AGTPBP1: variants seen among roughly 807,000 people sequenced by gnomAD.
AGTPBP1 encodes the protein ATP/GTP binding carboxypeptidase 1, also known as cytosolic carboxypeptidase 1.
A neutral mutation model predicts 143.9 loss-of-function variants in AGTPBP1; 70 were observed. That is an observed-to-expected ratio of 0.49 (90% CI 0.40 to 0.59). The LOEUF is 0.59. Ranked by LOEUF, AGTPBP1 falls within the 20% of genes least tolerant of loss-of-function variation. AGTPBP1 has a pLI of 0.00. For synonymous variants in AGTPBP1, 463 were observed against 500.2 expected, an observed-to-expected ratio of 0.93 and a Z score of 0.99; for missense variants, 1,229 against 1,464.5, an observed-to-expected ratio of 0.84 and a Z score of 2.62.
At chr9:85,572,214 G>C (rs1156539061) in intron 25 of AGTPBP1, among the ~76,000 whole-genome samples, 1 of 151,894 alleles carries the variant, frequency 6.6e-6, no homozygotes, top group East Asian at 1.9e-4. Flanking sequence ...TTTTAGTAGA[G>C]ACAGGGTTTC....
At chr9:85,629,450 G>A (rs745912556) in intron 14 of AGTPBP1, among the ~76,000 whole-genome samples, 2 of 152,160 alleles carry the variant, frequency 1.3e-5, no homozygotes, top group Non-Finnish European at 2.9e-5. Flanking sequence ...ATCAGGATAG[G>A]CTCAGTCAGG....
At chr9:85,746,678 A>G (rs1262447231), upstream of AGTPBP1, among the ~76,000 whole-genome samples, 2 of 152,070 alleles carry the variant, frequency 1.3e-5, no homozygotes, top group African/African-American at 2.4e-5. Flanking sequence ...AAAATTGAGT[A>G]GAGACTTAGT....
chr9:85,639,226 AT>A (rs2133787499), intron 13 of AGTPBP1, among the ~76,000 whole-genome samples: 1 of 152,312 alleles, frequency 6.6e-6, no homozygotes, highest in Admixed American at 6.5e-5. Flanking sequence ...ATCAAAAAAA[AT>A]AAGTTTCAGA....
intron 14 of AGTPBP1, among the ~76,000 whole-genome samples, chr9:85,622,390 T>C (rs1358963212): frequency 6.6e-6 from 1 of 152,190 alleles, no homozygotes; most frequent in Non-Finnish European, 1.5e-5. Context: ...AACTCTCACA[T>C]AGTTTAGAAA....
At position 85,590,169 on chromosome 9, in the gene AGTPBP1, G is replaced by T. The variant is rs971147945; in HGVS notation, c.2569-488C>A. ...TTTCCTGATTTCAAGATTAATACGGGTTTGTTGTAAAATGTCTGAAAGACA... is the reference window on the plus strand; with the variant it reads ...TTTCCTGATTTCAAGATTAATACGGTTTTGTTGTAAAATGTCTGAAAGACA... On this transcript the variant is annotated intron_variant, in intron 19 of 25. Coordinates refer to ENST00000357081, the MANE Select transcript of AGTPBP1 (RefSeq NM_001330701.2). Among the ~76,000 whole-genome samples the T allele has an allele frequency of 3.6e-4, 54 of 151,858 alleles. 1 individual carries two copies. Among genetic ancestry groups the T allele is most frequent in the African/African-American group, 1.2e-3 (50 of 41,352 alleles).
At chr9:85,777,162 G>T in the AGTPBP1 span, among the ~76,000 whole-genome samples, 8 of 152,154 alleles carry the variant, frequency 5.3e-5, no homozygotes, top group Non-Finnish European at 1.2e-4. Context: ...GAGTAACTTG[G>T]TCAGAGGCAA....
intron 2 of AGTPBP1, among the ~76,000 whole-genome samples, chr9:85,708,235 A>G (rs1319205116): frequency 6.6e-6 from 1 of 151,840 alleles, no homozygotes; most frequent in Non-Finnish European, 1.5e-5. Context: ...ATCTCCTACT[A>G]CTGACTCTGA....
At chr9:85,736,710 G>C (rs372187531) in intron 1 of AGTPBP1, among the ~76,000 whole-genome samples, 4 of 152,234 alleles carry the variant, frequency 2.6e-5, no homozygotes, top group African/African-American at 7.2e-5. Context: ...CACTCTTTTA[G>C]GGGACCCACA....
chr9:85,709,654 G>T (rs1002925079), intron 2 of AGTPBP1, among the ~76,000 whole-genome samples: 6 of 152,152 alleles, frequency 3.9e-5, no homozygotes, highest in African/African-American at 1.4e-4. Context: ...GAAAACAAAA[G>T]TTAACAGATT....
intron 14 of AGTPBP1, among the ~76,000 whole-genome samples, chr9:85,629,802 A>G (rs1831540432): frequency 6.6e-6 from 1 of 152,204 alleles, no homozygotes; most frequent in South Asian, 2.1e-4. Flanking sequence ...CCTTACTAAC[A>G]TAAACAGGTA....
At chr9:85,700,091 G>A (rs1836544978) in intron 2 of AGTPBP1, among the ~76,000 whole-genome samples, 1 of 152,142 alleles carries the variant, frequency 6.6e-6, no homozygotes, top group South Asian at 2.1e-4. Flanking sequence ...CTGGAAAACA[G>A]CACTTTATAC....
At chr9:85,640,248 C>CA (rs1264688137) in intron 13 of AGTPBP1, among the ~76,000 whole-genome samples, 2 of 152,076 alleles carry the variant, frequency 1.3e-5, no homozygotes, top group Non-Finnish European at 1.5e-5. Flanking sequence ...ATACACACTT[C>CA]AAAAAACAGA....
At position 85,646,560 on chromosome 9, in the gene AGTPBP1, G is replaced by T. The variant is rs1832822160; in HGVS notation, c.1088-142C>A. ...GATTTCTTATTTAACATCTCTCTAA[G>T]GCTGTCCCAGCTGTTGACAAACCCA... On this transcript the variant is annotated intron_variant, in intron 11 of 25. Coordinates refer to ENST00000357081, the MANE Select transcript of AGTPBP1 (RefSeq NM_001330701.2). The T allele has an allele frequency of 6.3e-6, 4 of 630,318 alleles. No homozygotes were observed. In the South Asian group the frequency reaches 6.8e-5, roughly 11 times the overall value. The allele number at this position is 630,318 out of a possible 1,614,324, so 39.0% of individuals were successfully genotyped here. A position where few individuals can be genotyped will look rare whatever the true frequency, so the allele number is the denominator to read the frequency against.
the AGTPBP1 span, among the ~76,000 whole-genome samples, chr9:85,791,279 C>G: frequency 6.6e-6 from 1 of 151,308 alleles, no homozygotes; most frequent in African/African-American, 2.4e-5. Flanking sequence ...GAGGCTGAGG[C>G]AGGAGAACTG....
Position 85,669,573 on chromosome 9 carries a change from T to C in AGTPBP1, c.574A>G (p.Asn192Asp), listed in dbSNP as rs1358800352. ...CCATTTTTCCCTAAGGATACTGAATTCACAGCTGAGAGGGGGAGAAAGAGA... is the reference window on the plus strand; with the variant it reads ...CCATTTTTCCCTAAGGATACTGAATCCACAGCTGAGAGGGGGAGAAAGAGA... The part of the protein sequence containing the change: ...LLRVYSANSV[N>D]SVSLGKNGVV... Residue 192 changes from asparagine to aspartate, a missense_variant, in exon 8 of 26, where the codon AAT (asparagine) becomes GAT (aspartate). Transcript: ENST00000357081. 1 of 1,609,462 alleles carries C rather than the reference T, an allele frequency of 6.2e-7. No homozygotes were observed. Among genetic ancestry groups the C allele is most frequent in the Admixed American group, 1.7e-5 (1 of 59,880 alleles).
At chr9:85,782,384 G>A in the AGTPBP1 span, among the ~76,000 whole-genome samples, 1 of 152,072 alleles carries the variant, frequency 6.6e-6, no homozygotes, top group Non-Finnish European at 1.5e-5. Flanking sequence ...GTGTGGTGGT[G>A]CATGCCTGTA....
chr9:85,635,837 A>T (rs1832002597), intron 13 of AGTPBP1, among the ~76,000 whole-genome samples: 1 of 151,992 alleles, frequency 6.6e-6, no homozygotes, highest in Non-Finnish European at 1.5e-5. Flanking sequence ...AAAGAAAAAA[A>T]AAAAACACGT....
At chr9:85,725,586 G>C (rs1158448001) in intron 1 of AGTPBP1, among the ~76,000 whole-genome samples, 1 of 152,106 alleles carries the variant, frequency 6.6e-6, no homozygotes, top group Admixed American at 6.5e-5. Context: ...AGCTCTACAA[G>C]TGTAATGGAA....
At chr9:85,623,806 G>T (rs1210669773) in intron 14 of AGTPBP1, among the ~76,000 whole-genome samples, 4 of 150,940 alleles carry the variant, frequency 2.7e-5, no homozygotes, top group African/African-American at 9.7e-5. Flanking sequence ...ACATGTATTT[G>T]TGTTAAGCAG....
Sources: gnomAD v4.1 joint callset for allele counts (sites outside exome capture counted in the v4.1 genomes callset) on GRCh38, gnomAD v4.1.1 for gene constraint, MANE v1.5 for transcripts, NCBI Gene and HGNC (gene_info 2026-07-23, HGNC 2026-07-21) for gene names.